The following HIVEP1 variants were observed in gnomAD, a reference collection of about 807,000 sequenced individuals.
HIVEP1 encodes the protein zinc finger protein 40.
A neutral mutation model predicts 180.0 loss-of-function variants in HIVEP1; 36 were observed. That is an observed-to-expected ratio of 0.20 (90% CI 0.15 to 0.26). The LOEUF (loss-of-function observed/expected upper bound fraction) is 0.26. HIVEP1 is among the 10% of genes least tolerant of loss of function. The pLI is 1.00. For missense variants in HIVEP1, 3,143 were observed against 3,268.7 expected (o/e 0.96, Z 0.94); for synonymous variants, 1,239 against 1,239.0 (o/e 1.00, Z 0.00).
rs746630509 is a variant in HIVEP1 at position 12,123,487 on chromosome 6, A to G, written c.3692A>G (p.Asn1231Ser). ...GQPSRLVRQH[N>S]IQVPEILVTE... ...CCCTCAAGACTTGTCCGGCAGCACA[A>G]CATCCAAGTTCCAGAGATTTTGGTC... Residue 1231 changes from asparagine to serine, a missense_variant, in exon 4 of 9, where the codon AAC becomes AGC. Asn to Ser is a conservative substitution (Grantham distance 46, BLOSUM62 1). Transcript: ENST00000379388. 6 of 1,614,062 alleles carry G rather than the reference A, an allele frequency of 3.7e-6. No individual in the cohort carries two copies. Among genetic ancestry groups the G allele is most frequent in the African/African-American group, 1.3e-5 (1 of 74,928 alleles).
chr6:12,169,372 T>C (rs1458741049), downstream of HIVEP1, among the ~76,000 whole-genome samples: 2 of 152,206 alleles, frequency 1.3e-5, no homozygotes, highest in Non-Finnish European at 1.5e-5. Flanking sequence ...TGGAAGGCAC[T>C]GTAGGCATAA....
At chr6:12,113,244 C>A (rs72826090) in intron 3 of HIVEP1, among the ~76,000 whole-genome samples, 16,044 of 149,766 alleles carry the variant, frequency 0.11, 963 homozygotes, top group Middle Eastern at 0.18. Flanking sequence ...GTGGGCAGGA[C>A]AGGGACACCG....
At chr6:12,054,352 C>G (rs891978241) in intron 2 of HIVEP1, among the ~76,000 whole-genome samples, 1 of 152,170 alleles carries the variant, frequency 6.6e-6, no homozygotes, top group Non-Finnish European at 1.5e-5. Context: ...GTTATAGTCA[C>G]TCATAACTGT....
rs1032400627 is a variant in HIVEP1, at chr6:12,120,566, T to G, written c.771T>G (p.Ser257=). ...AGGAATTGGTTGCTGAATCACAGTCTTCTTGTACCTCATACACAGTCCATA... is the reference window on the plus strand; with the variant it reads ...AGGAATTGGTTGCTGAATCACAGTCGTCTTGTACCTCATACACAGTCCATA... ...TSQELVAESQ[S]SCTSYTVHMS... Residue 257 remains serine, a synonymous_variant, in exon 4 of 9, where the codon TCT becomes TCG. Transcript: ENST00000379388. 6.2e-7 allele frequency: 1 copy of G among 1,614,234 alleles called. No individual in the cohort carries two copies. Among genetic ancestry groups the G allele is most frequent in the Non-Finnish European group, 8.5e-7 (1 of 1,180,034 alleles).
the HIVEP1 span, among the ~76,000 whole-genome samples, chr6:12,176,650 C>T: frequency 6.6e-6 from 1 of 152,178 alleles, no homozygotes; most frequent in Non-Finnish European, 1.5e-5. Context: ...AGGGTGAATA[C>T]TCTCCATCCT....
chr6:12,181,342 AGAGT>A, the HIVEP1 span, among the ~76,000 whole-genome samples: 1 of 152,136 alleles, frequency 6.6e-6, no homozygotes, highest in Non-Finnish European at 1.5e-5. Context: ...CCTGGGCAAC[AGAGT>A]GAGACTCCGT....
rs761251575 is a variant in HIVEP1, at chr6:12,123,699, C to G, written c.3904C>G (p.Leu1302Val). The change falls in exon 4 of 9, where the codon CTC (leucine) becomes GTC (valine). Residue 1302 changes from leucine to valine, a missense_variant. Coordinates refer to ENST00000379388, the MANE Select transcript of HIVEP1 (RefSeq NM_002114.4). ...AACAGAATCGAGCTTTGATTCCACT[C>G]TCTCCAGGAGTCTAAGTAGGGAGAG... is the stretch of plus-strand genomic sequence containing the variant. ...SSTESSFDST[L>V]SRSLSRESSL... The G allele has an allele frequency of 6.2e-7, 1 of 1,614,036 alleles. No individual in the cohort carries two copies. The highest frequency in any genetic ancestry group is 8.5e-7 in the Non-Finnish European group (1 of 1,179,962).
In HIVEP1 at chr6:12,120,691, A is replaced by C. The variant is rs775615017; in HGVS notation, c.896A>C (p.Gln299Pro). Residue 299 changes from glutamine (Q) to proline (P), a missense_variant, in exon 4 of 9, where the codon CAA (glutamine) becomes CCA (proline). Coordinates refer to ENST00000379388, the MANE Select transcript of HIVEP1 (RefSeq NM_002114.4). The stretch of plus-strand genomic sequence containing the variant: ...GTTCCCAAATCCAACCAACATAATC[A>C]ACAGCTTCCGGGGTGTTCAGGTTTC... Reference protein sequence around the residue: ...HFVPKSNQHNQQLPGCSGFTG... With the variant: ...HFVPKSNQHNPQLPGCSGFTG... 1.5e-5 allele frequency: 25 copies of C among 1,614,192 alleles called. No individual in the cohort carries two copies. In the South Asian group the frequency reaches 2.6e-4, roughly 17 times the overall value.
At chr6:12,082,050 T>A (rs1772823318) in intron 2 of HIVEP1, among the ~76,000 whole-genome samples, 1 of 152,196 alleles carries the variant, frequency 6.6e-6, no homozygotes, top group African/African-American at 2.4e-5. Flanking sequence ...CTGTTCTCCT[T>A]TTTTAACCAT....
chr6:12,089,300 A>C, intron 3 of HIVEP1, 63 bp downstream of exon 3: 2 of 879,670 alleles, frequency 2.3e-6, no homozygotes, highest in Non-Finnish European at 1.8e-6. Flanking sequence ...CATATACCTC[A>C]TAAATGTAGC....
intron 2 of HIVEP1, among the ~76,000 whole-genome samples, chr6:12,018,136 G>A (rs553575768): frequency 6.6e-6 from 1 of 152,352 alleles, no homozygotes; most frequent in African/African-American, 2.4e-5. Context: ...GGGGGACCTG[G>A]CGCACCCTTC....
chr6:12,157,530 A>G (rs1040247574), intron 7 of HIVEP1, among the ~76,000 whole-genome samples: 2 of 152,190 alleles, frequency 1.3e-5, no homozygotes, highest in African/African-American at 2.4e-5. Flanking sequence ...CATGGAGCCT[A>G]TAGACTTTAC....
downstream of HIVEP1, among the ~76,000 whole-genome samples, chr6:12,167,605 T>G (rs1395454112): frequency 2.1e-5 from 3 of 146,130 alleles, 1 homozygote; most frequent in South Asian, 2.1e-4. Flanking sequence ...TATATATACA[T>G]GTTATATTAC....
At chr6:12,075,402 T>G (rs1772285514) in intron 2 of HIVEP1, among the ~76,000 whole-genome samples, 1 of 152,206 alleles carries the variant, frequency 6.6e-6, no homozygotes, top group Non-Finnish European at 1.5e-5. Context: ...ATTATTTCCT[T>G]TCCTTTGGGC....
chr6:12,014,086 G>C (rs1167101886), intron 1 of HIVEP1, among the ~76,000 whole-genome samples: 1 of 152,150 alleles, frequency 6.6e-6, no homozygotes, highest in Non-Finnish European at 1.5e-5. Flanking sequence ...GTTTAGTTTA[G>C]TCCTTATAAC....
rs1446237588 is a variant in HIVEP1 at position 12,124,115 on chromosome 6, T to G, written c.4320T>G (p.Asp1440Glu). 1 of 1,614,138 alleles carries G rather than the reference T, an allele frequency of 6.2e-7. No individual in the cohort carries two copies. Among genetic ancestry groups the G allele is most frequent in the Non-Finnish European group, 8.5e-7 (1 of 1,180,010 alleles). ...AAATATCTTTAAACATAGCCCCAGA[T>G]AGTCATCTGTCTCCTGTACACCCAA... ...VRQISLNIAP[D>E]SHLSPVHPTS... The change falls in exon 4 of 9, where the codon GAT (aspartate) becomes GAG (glutamate). Residue 1440 changes from aspartate (D) to glutamate (E), a missense_variant. Physicochemically the swap from Asp to Glu is conservative, Grantham distance 45 (BLOSUM62 2). Transcript: ENST00000379388.
rs1299802944 is a variant in HIVEP1, at chr6:12,135,778, C to T, written c.6386-13C>T. The T allele has an allele frequency of 6.4e-7, 1 of 1,559,356 alleles. No homozygotes were observed. The highest frequency in any genetic ancestry group is 8.8e-7 in the Non-Finnish European group (1 of 1,131,950). ...ATACTACTTAAGCTTAGTAAACATT[C>T]TTTTCCCTTAAGGAAATCTGACAAA... On this transcript the variant is annotated splice_polypyrimidine_tract_variant and intron_variant, in intron 6 of 8. Coordinates refer to ENST00000379388, the MANE Select transcript of HIVEP1 (RefSeq NM_002114.4).
rs368250590 is a variant in HIVEP1, at chr6:12,123,676, C to A, written c.3881C>A (p.Thr1294Lys). 1.9e-6 allele frequency: 3 copies of A among 1,613,874 alleles called. No homozygotes were observed. The highest frequency in any genetic ancestry group is 2.5e-6 in the Non-Finnish European group (3 of 1,180,006). ...CTGGCTGAGATAGAACATTCCTCAACAGAATCGAGCTTTGATTCCACTCTC... is the reference window on the plus strand; with the variant it reads ...CTGGCTGAGATAGAACATTCCTCAAAAGAATCGAGCTTTGATTCCACTCTC... ...LRLAEIEHSS[T>K]ESSFDSTLSR... Residue 1294 changes from threonine to lysine, a missense_variant, in exon 4 of 9, where the codon ACA (threonine) becomes AAA (lysine). Physicochemically the swap from Thr to Lys is moderately conservative, Grantham distance 78. Coordinates refer to ENST00000379388, the MANE Select transcript of HIVEP1 (RefSeq NM_002114.4).
intron 2 of HIVEP1, among the ~76,000 whole-genome samples, chr6:12,052,303 G>A (rs1420019135): frequency 6.6e-6 from 1 of 152,172 alleles, no homozygotes; most frequent in Non-Finnish European, 1.5e-5. Context: ...GCCACTTAGA[G>A]GGCCACCTAG....
Sources: allele counts gnomAD v4.1 joint callset (sites outside exome capture counted in the v4.1 genomes callset), GRCh38; gene constraint gnomAD v4.1.1; transcripts MANE v1.5; gene names NCBI Gene and HGNC (gene_info 2026-07-23, HGNC 2026-07-21).